Variants in STK3 observed in about 807,000 individuals in gnomAD.
STK3 encodes serine/threonine-protein kinase 3.
A neutral mutation model predicts 58.0 loss-of-function variants in STK3; 41 were observed. The observed-to-expected ratio is 0.71, with a 90% CI of 0.55 to 0.92. The LOEUF is 0.92. STK3 is among the 40% of genes least tolerant of loss of function. The pLI is 0.00. For synonymous variants in STK3, 170 were observed against 191.0 expected (o/e 0.89, Z 0.91); for missense variants, 479 against 602.7 (o/e 0.79, Z 2.15).
intron 3 of STK3, among the ~76,000 whole-genome samples, chr8:98,423,072 T>C (rs1818191199): frequency 6.6e-6 from 1 of 152,282 alleles, no homozygotes; most frequent in South Asian, 2.1e-4. Flanking sequence ...CCAAGCACAG[T>C]GACTCCCTCC....
intron 3 of STK3, among the ~76,000 whole-genome samples, chr8:98,410,955 C>A (rs1252505478): frequency 6.6e-6 from 1 of 152,208 alleles, no homozygotes; most frequent in African/African-American, 2.4e-5. Context: ...TTCTTGACAA[C>A]AACATGTCCT....
chr8:98,838,762 T>C (rs1002450263), intron 3 of STK3, among the ~76,000 whole-genome samples: 1 of 152,114 alleles, frequency 6.6e-6, no homozygotes, highest in African/African-American at 2.4e-5. Context: ...TCTTTTTCCC[T>C]AAAGTTTTCC....
At chr8:98,671,010 C>T (rs755985166) in intron 6 of STK3, among the ~76,000 whole-genome samples, 8 of 152,148 alleles carry the variant, frequency 5.3e-5, no homozygotes, top group Non-Finnish European at 7.4e-5. Context: ...AAATGGGGCA[C>T]CTGCTCCTGC....
At chr8:98,806,937 A>G (rs1833917579) in intron 1 of STK3, among the ~76,000 whole-genome samples, 1 of 152,006 alleles carries the variant, frequency 6.6e-6, no homozygotes, top group Non-Finnish European at 1.5e-5. Flanking sequence ...GGCGGATCAC[A>G]AGGTCAGGAG....
At chr8:98,763,704 ACT>A (rs1438409491) in intron 3 of STK3, among the ~76,000 whole-genome samples, 1 of 150,606 alleles carries the variant, frequency 6.6e-6, no homozygotes, top group African/African-American at 2.4e-5. Flanking sequence ...ACAGAGTCTC[ACT>A]CTGTCACCCA....
intron 1 of STK3, among the ~76,000 whole-genome samples, chr8:98,806,037 T>C (rs979396481): frequency 1.3e-5 from 2 of 152,208 alleles, no homozygotes; most frequent in African/African-American, 4.8e-5. Context: ...TTGTAGTACT[T>C]AGTACAGTGA....
At chr8:98,922,596 G>A (rs979712107) in intron 1 of STK3, among the ~76,000 whole-genome samples, 5 of 152,270 alleles carry the variant, frequency 3.3e-5, no homozygotes, top group Admixed American at 2.0e-4. Flanking sequence ...ATTATTAAAC[G>A]AATGAACAAA....
chr8:98,879,813 C>G (rs1472678075), downstream of STK3: 1 of 152,130 alleles, frequency 6.6e-6, no homozygotes, highest in Non-Finnish European at 1.5e-5. Flanking sequence ...AAGATTAAAT[C>G]AATAACATGA....
chr8:98,663,563 C>T (rs372894346), intron 6 of STK3, among the ~76,000 whole-genome samples: 10 of 152,188 alleles, frequency 6.6e-5, no homozygotes, highest in East Asian at 5.8e-4. Context: ...TATAAAGACA[C>T]ATGCACACGT....
the STK3 span, among the ~76,000 whole-genome samples, chr8:98,345,291 C>T: frequency 6.6e-6 from 1 of 151,974 alleles, no homozygotes; most frequent in Non-Finnish European, 1.5e-5. Flanking sequence ...ATAAATAAAG[C>T]AGCCTCTTTA....
At chr8:98,625,319 A>G (rs1251381609) in intron 6 of STK3, among the ~76,000 whole-genome samples, 1 of 152,078 alleles carries the variant, frequency 6.6e-6, no homozygotes, top group Non-Finnish European at 1.5e-5. Context: ...ACTCATCATT[A>G]TAGTAAAGAT....
chr8:98,698,660 A>G (rs1171957190), intron 6 of STK3, among the ~76,000 whole-genome samples: 2 of 152,202 alleles, frequency 1.3e-5, no homozygotes, highest in Non-Finnish European at 2.9e-5. Context: ...TGGGTTGAAA[A>G]TTCTTTTCTT....
At chr8:98,725,468 A>G (rs528010911) in intron 4 of STK3, among the ~76,000 whole-genome samples, 1 of 152,134 alleles carries the variant, frequency 6.6e-6, no homozygotes, top group Non-Finnish European at 1.5e-5. Flanking sequence ...TTAAAAGTAC[A>G]CTCTAGTTAA....
chr8:98,409,692 C>G (rs1818034615), intron 3 of STK3, among the ~76,000 whole-genome samples: 1 of 152,220 alleles, frequency 6.6e-6, no homozygotes, highest in African/African-American at 2.4e-5. Flanking sequence ...TGTGTCAAAC[C>G]ATGTGTTTCC....
At chr8:98,674,775 C>T (rs143024506) in intron 6 of STK3, among the ~76,000 whole-genome samples, 22 of 152,212 alleles carry the variant, frequency 1.4e-4, no homozygotes, top group Non-Finnish European at 2.5e-4. Context: ...TCGTATCTTC[C>T]GTTTCTTTGC....
At chr8:98,587,505 G>T (rs1437224973) in intron 7 of STK3, among the ~76,000 whole-genome samples, 3 of 152,078 alleles carry the variant, frequency 2.0e-5, no homozygotes, top group Non-Finnish European at 4.4e-5. Context: ...GCTGAGGAGA[G>T]ATTTACTTCA....
chr8:98,795,863 A>C (rs1189066853), intron 1 of STK3, among the ~76,000 whole-genome samples: 1 of 147,032 alleles, frequency 6.8e-6, no homozygotes, highest in East Asian at 2.0e-4. Flanking sequence ...ATACAATACA[A>C]TACCTAGGAA....
At position 98,623,161 on chromosome 8, in the gene STK3, G is replaced by A. The variant is rs868165602; in HGVS notation, c.685-26992C>T. Among the ~76,000 whole-genome samples, 3 of 151,906 alleles carry A rather than the reference G, an allele frequency of 2.0e-5. No homozygotes were observed. The South Asian group carries it at 6.3e-4, about 32-fold the overall frequency. On this transcript the variant is annotated intron_variant, in intron 6 of 10. Transcript: ENST00000419617. ...CACATGGAACATATTGTGAGGGAGGGAAGAATAAGATGAGAAGGAGGAGAA... is the reference window on the plus strand; with the variant it reads ...CACATGGAACATATTGTGAGGGAGGAAAGAATAAGATGAGAAGGAGGAGAA...
At position 98,706,632 on chromosome 8, in the gene STK3, A is replaced by G. The variant is rs748985361; in HGVS notation, c.519T>C (p.Asp173=). ...ADFGVAGQLT[D]TMAKRNTVIG... The stretch of plus-strand genomic sequence containing the variant: ...TTACAGTATTGCGTTTTGCCATTGT[A>G]TCCTGCAATAATGTTACATAGCCAT... Residue 173 remains aspartate, a splice_region_variant and synonymous_variant, in exon 6 of 11, where the codon GAT becomes GAC. Transcript: ENST00000419617. 2 of 1,585,272 alleles carry G rather than the reference A, an allele frequency of 1.3e-6. No individual in the cohort carries two copies. Among genetic ancestry groups the G allele is most frequent in the Admixed American group, 1.8e-5 (1 of 55,528 alleles).
Sources: gnomAD v4.1 joint callset for allele counts (sites outside exome capture counted in the v4.1 genomes callset) on GRCh38, gnomAD v4.1.1 for gene constraint, MANE v1.5 for transcripts, NCBI Gene and HGNC (gene_info 2026-07-23, HGNC 2026-07-21) for gene names.